COMMD10: variants seen among roughly 807,000 people sequenced by gnomAD.
The protein encoded by COMMD10 is COMM domain-containing protein 10.
In COMMD10, 33 loss-of-function variants were observed where a neutral mutation model predicts 28.9. The ratio of observed to expected loss-of-function variants is 1.14; its 90% CI spans 0.87 to 1.53. The LOEUF (loss-of-function observed/expected upper bound fraction) is 1.53. Among genes scored for constraint, COMMD10 ranks in the 40% most tolerant of loss-of-function variants. COMMD10 has a pLI of 0.00. For missense variants in COMMD10, 310 were observed against 233.4 expected (o/e 1.33, Z -2.14); for synonymous variants, 110 against 81.7 (o/e 1.35, Z -1.87).
intron 4 of COMMD10, among the ~76,000 whole-genome samples, chr5:116,101,910 TTTG>T (rs919200174): frequency 1.3e-4 from 20 of 152,302 alleles, no homozygotes; most frequent in African/African-American, 4.1e-4. Context: ...TGGGATTATT[TTTG>T]TTGTTGTTGT....
intron 4 of COMMD10, among the ~76,000 whole-genome samples, chr5:116,099,900 C>T (rs1030187145): frequency 1.3e-5 from 2 of 152,048 alleles, no homozygotes; most frequent in African/African-American, 4.8e-5. Flanking sequence ...ATCTGAAATG[C>T]TTGGGACCAG....
At chr5:116,096,344 TTTG>T (rs1284664826) in intron 4 of COMMD10, among the ~76,000 whole-genome samples, 2 of 151,838 alleles carry the variant, frequency 1.3e-5, no homozygotes, top group Non-Finnish European at 2.9e-5. Context: ...TCTTTTTTTT[TTTG>T]TTGTTGAACT....
intron 6 of COMMD10, 56 bp from the exon 7 acceptor site, chr5:116,292,395 A>G: frequency 8.2e-7 from 1 of 1,222,174 alleles, no homozygotes; most frequent in Non-Finnish European, 1.1e-6. Flanking sequence ...ATAACACTTG[A>G]TATGAGTTTC....
chr5:116,226,933 G>A (rs999800054), intron 5 of COMMD10, among the ~76,000 whole-genome samples: 6 of 151,888 alleles, frequency 4.0e-5, no homozygotes, highest in South Asian at 2.1e-4. Context: ...TTTTTCAGAC[G>A]TTCTCCCATT....
chr5:116,270,307 T>C (rs957571079), intron 5 of COMMD10, among the ~76,000 whole-genome samples: 40 of 151,916 alleles, frequency 2.6e-4, no homozygotes, highest in Non-Finnish European at 7.4e-5. Flanking sequence ...GTTCCTGTTA[T>C]TTTAACATTT....
intron 5 of COMMD10, among the ~76,000 whole-genome samples, chr5:116,283,646 C>T (rs2112710812): frequency 6.6e-6 from 1 of 151,786 alleles, no homozygotes; most frequent in South Asian, 2.1e-4. Context: ...AAAATAAGAC[C>T]TGTTATTTTG....
chr5:116,241,438 A>T (rs1049160022), intron 5 of COMMD10, among the ~76,000 whole-genome samples: 8 of 152,256 alleles, frequency 5.3e-5, no homozygotes, highest in African/African-American at 1.9e-4. Flanking sequence ...TCTGTACCAA[A>T]GTAAAAAACT....
At chr5:116,232,695 T>C (rs1561678593) in intron 5 of COMMD10, among the ~76,000 whole-genome samples, 1 of 152,086 alleles carries the variant, frequency 6.6e-6, no homozygotes, top group African/African-American at 2.4e-5. Flanking sequence ...AGAGCAAGAC[T>C]CCGTCTCAAA....
At chr5:116,195,061 A>C (rs1748472502) in intron 5 of COMMD10, among the ~76,000 whole-genome samples, 1 of 152,188 alleles carries the variant, frequency 6.6e-6, no homozygotes, top group Non-Finnish European at 1.5e-5. Context: ...TTAAAAACAA[A>C]AATCACATGA....
At chr5:116,225,277 C>T (rs551261568) in intron 5 of COMMD10, among the ~76,000 whole-genome samples, 10 of 151,026 alleles carry the variant, frequency 6.6e-5, no homozygotes, top group African/African-American at 2.4e-4. Context: ...ATGTCTGAGC[C>T]CAGTTAGAGT....
intron 5 of COMMD10, among the ~76,000 whole-genome samples, chr5:116,286,966 T>C (rs1339332318): frequency 6.6e-6 from 1 of 151,872 alleles, no homozygotes; most frequent in African/African-American, 2.4e-5. Context: ...TCTCCTACTA[T>C]TATTGTGTTG....
chr5:116,231,525 A>G (rs1032016786), intron 5 of COMMD10, among the ~76,000 whole-genome samples: 2 of 152,132 alleles, frequency 1.3e-5, no homozygotes. Context: ...ATTGAGCTGT[A>G]TGATTGCTAT....
At position 116,091,116 on chromosome 5, in the gene COMMD10, T is replaced by A; in HGVS notation, c.170T>A (p.Leu57His). Residue 57 changes from leucine (L) to histidine (H), a missense_variant, in exon 3 of 7, where the codon CTT becomes CAT. By Grantham distance (99) the Leu-to-His change is moderately conservative (BLOSUM62 -3). Transcript: ENST00000274458. ...SSFSEEEEEKLQAAFSLEKQD... is the reference protein window; with the variant it reads ...SSFSEEEEEKHQAAFSLEKQD... Reference sequence around the variant, plus strand: ...TTCAGTGAAGAAGAGGAAGAAAAACTTCAAGCGGCATTTTCTCTAGAGAAA... The same window carrying A: ...TTCAGTGAAGAAGAGGAAGAAAAACATCAAGCGGCATTTTCTCTAGAGAAA... The A allele has an allele frequency of 6.2e-7, 1 of 1,612,490 alleles. No individual in the cohort carries two copies. The highest frequency in any genetic ancestry group is 1.1e-5 in the South Asian group (1 of 90,828).
chr5:116,280,879 T>C lies in COMMD10; in HGVS notation c.511-10638T>C, dbSNP rs1336136727. Among the ~76,000 whole-genome samples the C allele has an allele frequency of 5.3e-5, 8 of 151,920 alleles. 1 individual carries two copies. Among genetic ancestry groups the C allele is most frequent in the African/African-American group, 1.9e-4 (8 of 41,210 alleles). ...GCCTAATGAGTTTTGTTTTATAAACTCATTCAGTAAGACTTGAAATATTAT... is the reference window on the plus strand; with the variant it reads ...GCCTAATGAGTTTTGTTTTATAAACCCATTCAGTAAGACTTGAAATATTAT... On this transcript the variant is annotated intron_variant, in intron 5 of 6. Transcript: ENST00000274458.
chr5:116,105,300 G>A (rs755199200), intron 4 of COMMD10, among the ~76,000 whole-genome samples: 2 of 152,186 alleles, frequency 1.3e-5, no homozygotes, highest in Non-Finnish European at 2.9e-5. Context: ...GCATCCCAGG[G>A]ATGAAGCCGA....
chr5:116,242,453 T>G (rs1191708312), intron 5 of COMMD10, among the ~76,000 whole-genome samples: 1 of 152,168 alleles, frequency 6.6e-6, no homozygotes, highest in Non-Finnish European at 1.5e-5. Flanking sequence ...GGAAATCCTC[T>G]CAGCAACCCT....
intron 5 of COMMD10, among the ~76,000 whole-genome samples, chr5:116,250,381 T>A (rs968087585): frequency 6.6e-6 from 1 of 151,654 alleles, no homozygotes; most frequent in Non-Finnish European, 1.5e-5. Context: ...CGTTTTTATT[T>A]GTTTAGTTCT....
chr5:116,269,168 A>G (rs1006849323), intron 5 of COMMD10, among the ~76,000 whole-genome samples: 13 of 151,900 alleles, frequency 8.6e-5, no homozygotes, highest in Non-Finnish European at 1.8e-4. Flanking sequence ...AATTTTTCCC[A>G]CGTTTATGTT....
At chr5:116,131,801 C>T (rs1751871481) in intron 4 of COMMD10, among the ~76,000 whole-genome samples, 1 of 151,720 alleles carries the variant, frequency 6.6e-6, no homozygotes, top group Non-Finnish European at 1.5e-5. Flanking sequence ...GAGTAGCAGA[C>T]TACAGAGGGA....
Sources: gnomAD v4.1 joint callset for allele counts (sites outside exome capture counted in the v4.1 genomes callset) on GRCh38, gnomAD v4.1.1 for gene constraint, MANE v1.5 for transcripts, NCBI Gene and HGNC (gene_info 2026-07-23, HGNC 2026-07-21) for gene names.